Variants in R3HDM2 observed in about 807,000 individuals in gnomAD.
R3HDM2 encodes R3H domain-containing protein 2.
Under a neutral mutation model 124.5 loss-of-function variants are expected in R3HDM2, and 38 were observed. That is an observed-to-expected ratio of 0.31 (90% CI 0.24 to 0.40). The LOEUF (loss-of-function observed/expected upper bound fraction) is 0.40, where lower values mean the gene tolerates loss of function less well. Among genes scored for constraint, R3HDM2 ranks in the 10% least tolerant of loss-of-function variants. R3HDM2 has a pLI of 1.00. For synonymous variants in R3HDM2, 391 were observed against 448.0 expected, an observed-to-expected ratio of 0.87 and a Z score of 1.61; for missense variants, 869 against 1,236.9, an observed-to-expected ratio of 0.70 and a Z score of 4.46.
intron 12 of R3HDM2, 127 bp from the exon 13 acceptor site, chr12:57,284,183 C>T: frequency 1.1e-6 from 1 of 891,460 alleles, no homozygotes; most frequent in Non-Finnish European, 1.7e-6. Context: ...TGGACACTGA[C>T]TTATTGTTAG....
chr12:57,392,789 C>A (rs937678768), intron 2 of R3HDM2, among the ~76,000 whole-genome samples: 4 of 147,694 alleles, frequency 2.7e-5, no homozygotes, highest in Non-Finnish European at 4.5e-5. Context: ...CCCAGCAGTT[C>A]AATTCTATAG....
chr12:57,323,349 A>G (rs1181459900), intron 2 of R3HDM2, among the ~76,000 whole-genome samples: 1 of 152,232 alleles, frequency 6.6e-6, no homozygotes, highest in East Asian at 1.9e-4. Flanking sequence ...CAAAGAGAGA[A>G]TGAATATATG....
intron 2 of R3HDM2, among the ~76,000 whole-genome samples, chr12:57,378,580 T>C (rs1027007546): frequency 3.9e-5 from 6 of 152,146 alleles, no homozygotes; most frequent in African/African-American, 1.4e-4. Context: ...CGTTTTGCCA[T>C]GTTGCCCAGG....
At chr12:57,386,702 G>T (rs917751067) in intron 2 of R3HDM2, among the ~76,000 whole-genome samples, 2 of 152,244 alleles carry the variant, frequency 1.3e-5, no homozygotes, top group African/African-American at 2.4e-5. Flanking sequence ...CCCCAGTGCA[G>T]GATCCACTGG....
rs1199057271 is a variant in R3HDM2, at chr12:57,254,190, G to T, written c.*583C>A. 4.4e-6 allele frequency: 2 copies of T among 456,042 alleles called. No homozygotes were observed. Among genetic ancestry groups the T allele is most frequent in the East Asian group, 6.9e-5 (1 of 14,404 alleles). The allele number at this position is 456,042 out of a possible 1,614,324, so 28.2% of individuals were successfully genotyped here. A position where few individuals can be genotyped will look rare whatever the true frequency, so the allele number is the denominator to read the frequency against. On this transcript the variant is annotated 3_prime_UTR_variant, in exon 24 of 24. Transcript: ENST00000402412. ...AAATTAATTTTATGATAGGAGAAGA[G>T]ATTTAAAAAAATGATAGAAGAGGAT...
chr12:57,330,694 C>CT (rs10571548), intron 2 of R3HDM2, among the ~76,000 whole-genome samples: 46 of 70,638 alleles, frequency 6.5e-4, no homozygotes, highest in African/African-American at 7.4e-4. Context: ...TAGGGCTTTT[C>CT]TTTTTTTTTT....
intron 1 of R3HDM2, chr12:57,430,489 G>GGCCCCCC: frequency 5.1e-6 from 4 of 790,572 alleles, no homozygotes; most frequent in Non-Finnish European, 6.1e-6. Context: ...CCACCCCCCT[G>GGCCCCCC]CCCCCGCACC....
intron 21 of R3HDM2, among the ~76,000 whole-genome samples, chr12:57,256,832 T>TC (rs2039172482): frequency 6.6e-6 from 1 of 151,922 alleles, no homozygotes; most frequent in African/African-American, 2.4e-5. Context: ...CTTTTTTTTT[T>TC]TTTTTGAGAC....
At chr12:57,287,501 A>AGAT (rs1408436179) in intron 12 of R3HDM2, among the ~76,000 whole-genome samples, 1 of 152,174 alleles carries the variant, frequency 6.6e-6, no homozygotes, top group Non-Finnish European at 1.5e-5. Context: ...GACTTGAGAG[A>AGAT]GATGGAAAAT....
intron 2 of R3HDM2, among the ~76,000 whole-genome samples, chr12:57,328,983 G>A (rs1656485285): frequency 6.6e-6 from 1 of 152,080 alleles, no homozygotes; most frequent in African/African-American, 2.4e-5. Context: ...TTTGGGTTTT[G>A]CTGTTAATTG....
chr12:57,401,177 T>A (rs1448553881), intron 1 of R3HDM2, among the ~76,000 whole-genome samples: 3 of 150,482 alleles, frequency 2.0e-5, no homozygotes, highest in African/African-American at 7.3e-5. Context: ...GTGCAGTTCG[T>A]CTCAAAAAAA....
chr12:57,313,699 G>A (rs1470485283), intron 2 of R3HDM2, among the ~76,000 whole-genome samples: 2 of 151,462 alleles, frequency 1.3e-5, no homozygotes, highest in Non-Finnish European at 1.5e-5. Context: ...GGGTGACATA[G>A]TGAGACCTCC....
chr12:57,379,115 T>C (rs922463498), intron 2 of R3HDM2, among the ~76,000 whole-genome samples: 5 of 152,120 alleles, frequency 3.3e-5, no homozygotes, highest in African/African-American at 4.8e-5. Context: ...AATTTCTCAG[T>C]TTTACAAAAT....
intron 2 of R3HDM2, among the ~76,000 whole-genome samples, chr12:57,319,273 T>C (rs1026742308): frequency 2.6e-5 from 4 of 152,106 alleles, no homozygotes; most frequent in Admixed American, 1.3e-4. Context: ...TGACCTCAAG[T>C]AATCTGCCCG....
At chr12:57,391,158 T>G (rs937338483) in intron 2 of R3HDM2, among the ~76,000 whole-genome samples, 5 of 152,270 alleles carry the variant, frequency 3.3e-5, no homozygotes, top group Admixed American at 1.3e-4. Flanking sequence ...TAGATTTATA[T>G]GCAATAGATG....
intron 2 of R3HDM2, among the ~76,000 whole-genome samples, chr12:57,394,847 C>A (rs1270526903): frequency 3.3e-5 from 5 of 152,186 alleles, no homozygotes; most frequent in Non-Finnish European, 7.3e-5. Context: ...CCTAGTTATA[C>A]ATATTTAACT....
At chr12:57,321,252 A>T (rs2056399863) in intron 2 of R3HDM2, among the ~76,000 whole-genome samples, 3 of 152,214 alleles carry the variant, frequency 2.0e-5, no homozygotes, top group African/African-American at 2.4e-5. Context: ...TCCAAAATTT[A>T]AAAAAATTTC....
chr12:57,329,761 GA>G (rs71084743), intron 2 of R3HDM2, among the ~76,000 whole-genome samples: 1 of 150,500 alleles, frequency 6.6e-6, no homozygotes, highest in African/African-American at 2.4e-5. Context: ...AAAAGAAAAA[GA>G]AAAAAAAAGA....
At chr12:57,348,838 C>T (rs528213950) in intron 2 of R3HDM2, among the ~76,000 whole-genome samples, 9 of 151,858 alleles carry the variant, frequency 5.9e-5, no homozygotes, top group African/African-American at 2.2e-4. Context: ...TGCAGTGAGC[C>T]GTGATCGCAC....
Sources: gnomAD v4.1 joint callset for allele counts (sites outside exome capture counted in the v4.1 genomes callset) on GRCh38, gnomAD v4.1.1 for gene constraint, MANE v1.5 for transcripts, NCBI Gene and HGNC (gene_info 2026-07-23, HGNC 2026-07-21) for gene names.